The following RAB27B variants were observed in gnomAD, a reference collection of about 807,000 sequenced individuals.
RAB27B encodes RAB27B, member RAS oncogene family.
In RAB27B, 15 loss-of-function variants were observed where a neutral mutation model predicts 24.6. That is an observed-to-expected ratio of 0.61 (90% CI 0.41 to 0.94). The LOEUF (loss-of-function observed/expected upper bound fraction) is 0.94, where lower values mean the gene tolerates loss of function less well. RAB27B is among the 40% of genes least tolerant of loss of function. The probability of loss-of-function intolerance (pLI) is 0.00; values close to 1 mark genes in which losing one functional copy is unlikely to be tolerated. For synonymous variants in RAB27B, 105 were observed against 92.5 expected, an observed-to-expected ratio of 1.14 and a Z score of -0.78; for missense variants, 261 against 266.8, an observed-to-expected ratio of 0.98 and a Z score of 0.15.
chr18:54,875,942 G>C (rs925058857), intron 1 of RAB27B, among the ~76,000 whole-genome samples: 1 of 152,070 alleles, frequency 6.6e-6, no homozygotes, highest in Non-Finnish European at 1.5e-5. Context: ...GAATTATCTA[G>C]TGATTTTAGA....
chr18:54,860,194 C>A (rs1369034649), intron 1 of RAB27B, among the ~76,000 whole-genome samples: 1 of 152,152 alleles, frequency 6.6e-6, no homozygotes, highest in South Asian at 2.1e-4. Context: ...ATACTCGCGA[C>A]TGCAGATAAA....
At chr18:54,836,595 A>C (rs923349598) in intron 1 of RAB27B, among the ~76,000 whole-genome samples, 5 of 152,026 alleles carry the variant, frequency 3.3e-5, no homozygotes, top group Non-Finnish European at 7.3e-5. Flanking sequence ...TAAAATTCAT[A>C]AATATTAACT....
chr18:54,728,903 C>CCAAA (rs1909634328), intron 2 of RAB27B, among the ~76,000 whole-genome samples: 3 of 68,254 alleles, frequency 4.4e-5, no homozygotes, highest in East Asian at 4.8e-4. Flanking sequence ...AAAAAAAACC[C>CCAAA]AAAAAAAAAA....
intron 2 of RAB27B, among the ~76,000 whole-genome samples, chr18:54,779,610 C>A (rs568020772): frequency 6.6e-6 from 1 of 152,122 alleles, no homozygotes; most frequent in South Asian, 2.1e-4. Context: ...GAAAGCTATT[C>A]CTTCAGTTGG....
At chr18:54,728,924 C>CCCCAAAAAAAAAAAAAAAAAAAAA (rs1909639213) in intron 2 of RAB27B, among the ~76,000 whole-genome samples, 1 of 32,558 alleles carries the variant, frequency 3.1e-5, no homozygotes, top group African/African-American at 1.0e-4. Flanking sequence ...AAAAAAAAAA[C>CCCCAAAAAAAAAAAAAAAAAAAAA]CACCACCAAA....
intron 1 of RAB27B, among the ~76,000 whole-genome samples, chr18:54,837,786 G>A (rs1427020081): frequency 6.6e-6 from 1 of 152,094 alleles, no homozygotes; most frequent in African/African-American, 2.4e-5. Context: ...TTATATATAT[G>A]TGTGTATATA....
chr18:54,789,878 C>T (rs1909196189), intron 2 of RAB27B, among the ~76,000 whole-genome samples: 1 of 152,110 alleles, frequency 6.6e-6, no homozygotes, highest in African/African-American at 2.4e-5. Context: ...TCTACATTTA[C>T]TAAGGTTTTG....
intron 2 of RAB27B, among the ~76,000 whole-genome samples, chr18:54,802,879 G>A (rs996198073): frequency 2.0e-5 from 3 of 152,178 alleles, no homozygotes; most frequent in African/African-American, 7.2e-5. Context: ...GCTTTGGAAA[G>A]GTTTTGTCGA....
intron 1 of RAB27B, among the ~76,000 whole-genome samples, chr18:54,854,211 A>G (rs1002269253): frequency 6.6e-6 from 1 of 152,224 alleles, no homozygotes; most frequent in Admixed American, 6.5e-5. Context: ...TTGTTACAAT[A>G]TCTTTAGAGT....
At chr18:54,858,783 T>C (rs1390932155) in intron 1 of RAB27B, among the ~76,000 whole-genome samples, 1 of 152,158 alleles carries the variant, frequency 6.6e-6, no homozygotes, top group Non-Finnish European at 1.5e-5. Context: ...GATTTGGATT[T>C]TCCTTTTTAA....
At chr18:54,871,710 C>T (rs1912471133) in intron 1 of RAB27B, among the ~76,000 whole-genome samples, 1 of 151,864 alleles carries the variant, frequency 6.6e-6, no homozygotes, top group Non-Finnish European at 1.5e-5. Flanking sequence ...ATTGGCCGGG[C>T]GTGGTGGCGG....
At chr18:54,754,037 T>A (rs1012983331) in intron 2 of RAB27B, among the ~76,000 whole-genome samples, 15 of 152,186 alleles carry the variant, frequency 9.9e-5, no homozygotes, top group African/African-American at 3.6e-4. Context: ...TAAAAAATGC[T>A]TTATAAATTG....
At chr18:54,752,069 C>T (rs982145138) in intron 2 of RAB27B, among the ~76,000 whole-genome samples, 5 of 152,116 alleles carry the variant, frequency 3.3e-5, no homozygotes, top group African/African-American at 1.2e-4. Flanking sequence ...TACTTGCAGC[C>T]ATTCAATTTA....
chr18:54,805,402 C>T (rs1463797152), intron 2 of RAB27B, among the ~76,000 whole-genome samples: 3 of 152,190 alleles, frequency 2.0e-5, no homozygotes, highest in South Asian at 4.1e-4. Context: ...AATGTTAAAA[C>T]TTCATACTTT....
chr18:54,787,859 A>G (rs1406321514), intron 2 of RAB27B, among the ~76,000 whole-genome samples: 1 of 152,162 alleles, frequency 6.6e-6, no homozygotes, highest in African/African-American at 2.4e-5. Flanking sequence ...GTGCCATATA[A>G]TTTACTCACA....
At chr18:54,738,980 CT>C (rs1304316514) in intron 2 of RAB27B, among the ~76,000 whole-genome samples, 1 of 152,138 alleles carries the variant, frequency 6.6e-6, no homozygotes, top group African/African-American at 2.4e-5. Context: ...CTTGGGCTGC[CT>C]TTAATATGCT....
chr18:54,862,049 A>AGC (rs1912029811), intron 1 of RAB27B, among the ~76,000 whole-genome samples: 1 of 52,526 alleles, frequency 1.9e-5, no homozygotes, highest in Non-Finnish European at 4.9e-5. Context: ...GATCTAGGAA[A>AGC]GCATTTAAAG....
intron 1 of RAB27B, among the ~76,000 whole-genome samples, chr18:54,839,046 GA>G (rs1339239008): frequency 6.6e-6 from 1 of 152,064 alleles, no homozygotes; most frequent in Non-Finnish European, 1.5e-5. Context: ...AATATTGCTG[GA>G]AAAGAAGTCC....
upstream of RAB27B, among the ~76,000 whole-genome samples, chr18:54,826,759 C>T (rs138824507): frequency 6.6e-6 from 1 of 152,352 alleles, no homozygotes; most frequent in East Asian, 1.9e-4. Flanking sequence ...ACCTTTTGAA[C>T]TTCATCACTT....
Sources: gnomAD v4.1 joint callset for allele counts (sites outside exome capture counted in the v4.1 genomes callset) on GRCh38, gnomAD v4.1.1 for gene constraint, MANE v1.5 for transcripts, NCBI Gene and HGNC (gene_info 2026-07-23, HGNC 2026-07-21) for gene names.